The following DOCK3 variants were observed in gnomAD, a reference collection of about 807,000 sequenced individuals.
DOCK3 encodes dedicator of cytokinesis protein 3.
In DOCK3, 60 loss-of-function variants were observed where a neutral mutation model predicts 265.6. The ratio of observed to expected loss-of-function variants is 0.23; its 90% CI spans 0.18 to 0.28. DOCK3 has a LOEUF of 0.28. Among genes scored for constraint, DOCK3 ranks in the 10% least tolerant of loss-of-function variants. The pLI, the probability that DOCK3 is intolerant of heterozygous loss-of-function variation, is 1.00. For synonymous variants in DOCK3, 881 were observed against 938.0 expected (o/e 0.94, Z 1.11); for missense variants, 1,981 against 2,594.3 (o/e 0.76, Z 5.14).
chr3:51,309,515 G>A (rs915270103), intron 27 of DOCK3, among the ~76,000 whole-genome samples: 1 of 152,236 alleles, frequency 6.6e-6, no homozygotes, highest in Non-Finnish European at 1.5e-5. Context: ...GGAGGTTGCA[G>A]TGAGCCGAGA....
At chr3:50,841,161 T>C (rs1042560190) in intron 2 of DOCK3, among the ~76,000 whole-genome samples, 20 of 152,340 alleles carry the variant, frequency 1.3e-4, no homozygotes, top group Non-Finnish European at 2.4e-4. Flanking sequence ...ATTGAAACTT[T>C]TATTAGTATT....
chr3:50,993,462 A>T (rs993397468), intron 5 of DOCK3, among the ~76,000 whole-genome samples: 1 of 152,186 alleles, frequency 6.6e-6, no homozygotes, highest in African/African-American at 2.4e-5. Context: ...GAATGACTGG[A>T]AATAGAAATC....
At chr3:50,933,279 C>T (rs1337535368) in intron 4 of DOCK3, among the ~76,000 whole-genome samples, 1 of 152,108 alleles carries the variant, frequency 6.6e-6, no homozygotes, top group African/African-American at 2.4e-5. Context: ...TGTCTGATTC[C>T]CTATTCAGAC....
chr3:51,199,764 C>T (rs1180598824), intron 12 of DOCK3, among the ~76,000 whole-genome samples: 3 of 152,206 alleles, frequency 2.0e-5, no homozygotes, highest in African/African-American at 4.8e-5. Flanking sequence ...CCCTGAGCAG[C>T]CTAACTGGGA....
chr3:50,929,336 G>A (rs756544958), intron 4 of DOCK3, among the ~76,000 whole-genome samples: 8 of 152,174 alleles, frequency 5.3e-5, no homozygotes. Flanking sequence ...TGACACTGGG[G>A]CTGTGGTAGA....
At chr3:51,281,991 A>G (rs1197257934) in intron 27 of DOCK3, among the ~76,000 whole-genome samples, 3 of 152,226 alleles carry the variant, frequency 2.0e-5, no homozygotes, top group Non-Finnish European at 4.4e-5. Flanking sequence ...TCCAGCCACA[A>G]GAGCACACAC....
intron 2 of DOCK3, among the ~76,000 whole-genome samples, chr3:50,815,057 T>G (rs1235331031): frequency 6.6e-6 from 1 of 152,016 alleles, no homozygotes; most frequent in Non-Finnish European, 1.5e-5. Context: ...TCTCTTGACC[T>G]TGTGATCTGC....
chr3:50,785,280 C>T (rs1252461784), intron 2 of DOCK3, among the ~76,000 whole-genome samples: 1 of 152,144 alleles, frequency 6.6e-6, no homozygotes, highest in African/African-American at 2.4e-5. Flanking sequence ...GATCATTTGA[C>T]TGCCTCTACC....
intron 9 of DOCK3, among the ~76,000 whole-genome samples, chr3:51,126,457 A>T (rs1169887904): frequency 1.3e-5 from 2 of 152,214 alleles, no homozygotes; most frequent in Non-Finnish European, 2.9e-5. Flanking sequence ...TTTAGTCCCC[A>T]TGGGTGTGAT....
At chr3:51,160,308 G>A (rs372780662) in intron 11 of DOCK3, among the ~76,000 whole-genome samples, 14 of 152,230 alleles carry the variant, frequency 9.2e-5, no homozygotes, top group African/African-American at 3.4e-4. Context: ...TAAATGGAGT[G>A]TTGATATTGG....
chr3:51,136,235 T>C (rs77444623), intron 9 of DOCK3, among the ~76,000 whole-genome samples: 2 of 140,534 alleles, frequency 1.4e-5, no homozygotes, highest in Non-Finnish European at 1.6e-5. Context: ...CCCCGCCACC[T>C]TTTTTTTTTT....
At chr3:50,881,605 G>A (rs1382910034) in intron 3 of DOCK3, among the ~76,000 whole-genome samples, 1 of 152,104 alleles carries the variant, frequency 6.6e-6, no homozygotes, top group Non-Finnish European at 1.5e-5. Context: ...ACTGCTCAAC[G>A]AAATAAAAGA....
At chr3:51,064,810 T>G (rs1162331536) in intron 6 of DOCK3, among the ~76,000 whole-genome samples, 1 of 152,224 alleles carries the variant, frequency 6.6e-6, no homozygotes, top group East Asian at 1.9e-4. Flanking sequence ...TTAGCCTCTG[T>G]TTTTGCTTCT....
chr3:50,975,066 T>C (rs1177045479), intron 5 of DOCK3, among the ~76,000 whole-genome samples: 3 of 151,784 alleles, frequency 2.0e-5, no homozygotes, highest in African/African-American at 7.3e-5. Flanking sequence ...TTTCTAGATA[T>C]ACAATCATGT....
Position 51,360,538 on chromosome 3 carries a change from C to A in DOCK3, c.4912C>A (p.Pro1638Thr). The change falls in exon 47 of 53, where the codon CCT becomes ACT. Residue 1638 changes from proline to threonine, a missense_variant. Pro to Thr is a conservative substitution (Grantham distance 38). This residue lies in a region of DOCK3 where 1,357 missense variants were observed against 1,866.8 expected (regional missense o/e 0.73). Coordinates refer to ENST00000266037, the MANE Select transcript of DOCK3 (RefSeq NM_004947.5). ...GTTTCCAGGTTTGGATAAGCTAAGT[C>A]CTGCATGTTCAGGCACCAGCACCCC... Reference protein sequence around the residue: ...HEFPGLDKLSPACSGTSTPRG... With the variant: ...HEFPGLDKLSTACSGTSTPRG... 1 of 1,612,520 alleles carries A rather than the reference C, an allele frequency of 6.2e-7. No individual in the cohort carries two copies. Among genetic ancestry groups the A allele is most frequent in the South Asian group, 1.1e-5 (1 of 90,692 alleles).
intron 5 of DOCK3, among the ~76,000 whole-genome samples, chr3:51,001,374 G>C (rs1440407379): frequency 6.6e-6 from 1 of 152,120 alleles, no homozygotes; most frequent in Non-Finnish European, 1.5e-5. Flanking sequence ...GGCTCTGACT[G>C]AGTCTTGAAC....
chr3:51,236,403 A>G lies in DOCK3; in HGVS notation c.1976A>G (p.Tyr659Cys), dbSNP rs2078351439. 1 of 1,611,108 alleles carries G rather than the reference A, an allele frequency of 6.2e-7. No individual in the cohort carries two copies. Among genetic ancestry groups the G allele is most frequent in the African/African-American group, 1.3e-5 (1 of 74,744 alleles). Reference protein sequence around the residue: ...FVILDDNTEKYGLLVFQSLVF... With the variant: ...FVILDDNTEKCGLLVFQSLVF... ...ATTTTGGATGATAATACAGAGAAGT[A>G]CGGCCTGTTGGTTTTTCAGTCTCTG... Residue 659 changes from tyrosine to cysteine, a missense_variant, in exon 20 of 53, where the codon TAC becomes TGC. Coordinates refer to ENST00000266037, the MANE Select transcript of DOCK3 (RefSeq NM_004947.5).
chr3:51,350,047 C>A (rs1271960243), intron 39 of DOCK3, among the ~76,000 whole-genome samples: 2 of 152,218 alleles, frequency 1.3e-5, no homozygotes, highest in Non-Finnish European at 2.9e-5. Flanking sequence ...AGCAGCTGCA[C>A]GTGGCTGCAG....
intron 3 of DOCK3, among the ~76,000 whole-genome samples, chr3:50,882,918 C>T (rs76644123): frequency 0.099 from 15,071 of 152,146 alleles, 922 homozygotes; most frequent in Non-Finnish European, 0.13. Flanking sequence ...ACATATACAC[C>T]ATGGAATACT....
Sources: allele counts gnomAD v4.1 joint callset (sites outside exome capture counted in the v4.1 genomes callset), GRCh38; gene constraint gnomAD v4.1.1; regional missense constraint gnomAD v4.1.1; transcripts MANE v1.5; gene names NCBI Gene and HGNC (gene_info 2026-07-23, HGNC 2026-07-21).